DPY30: variants seen among roughly 807,000 people sequenced by gnomAD.
DPY30 encodes dpy-30 histone methyltransferase complex regulatory subunit.
A neutral mutation model predicts 16.2 loss-of-function variants in DPY30; 6 were observed. The observed-to-expected ratio is 0.37, with a 90% CI of 0.20 to 0.73. DPY30 has a LOEUF of 0.73. Among genes scored for constraint, DPY30 ranks in the 30% least tolerant of loss-of-function variants. The pLI is 0.51. For synonymous variants in DPY30, 39 were observed against 38.8 expected (o/e 1.00, Z -0.02); for missense variants, 73 against 113.1 (o/e 0.65, Z 1.61).
intron 5 of DPY30, among the ~76,000 whole-genome samples, chr2:32,014,552 C>T (rs1024645209): frequency 2.0e-5 from 3 of 150,884 alleles, no homozygotes; most frequent in African/African-American, 7.3e-5. Context: ...GGTGCGGTCT[C>T]GGCTCACTGC....
downstream of DPY30, chr2:32,023,534 A>C (rs1572991383): frequency 2.0e-6 from 1 of 492,982 alleles, no homozygotes; most frequent in East Asian, 6.9e-5. Context: ...AGATCATTTA[A>C]GTAAAAATGT....
chr2:32,027,531 C>CAA (rs370515191), intron 4 of DPY30, among the ~76,000 whole-genome samples: 2,615 of 68,802 alleles, frequency 0.038, 74 homozygotes, highest in African/African-American at 0.11. Context: ...AACTCTGTCT[C>CAA]AAAAAAAAAA....
intron 5 of DPY30, among the ~76,000 whole-genome samples, chr2:32,016,932 G>C (rs1444102865): frequency 6.6e-6 from 1 of 152,038 alleles, no homozygotes; most frequent in Non-Finnish European, 1.5e-5. Flanking sequence ...ACCCAGGCTG[G>C]AGTGCAATGG....
rs538988546 is a variant in DPY30 at position 32,024,008 on chromosome 2, T to C, written c.*176A>G. 6 of 1,455,808 alleles carry C rather than the reference T, an allele frequency of 4.1e-6. No individual in the cohort carries two copies. The highest frequency in any genetic ancestry group is 5.4e-6 in the Non-Finnish European group (6 of 1,111,094). The allele number at this position is 1,455,808 out of a possible 1,614,324, so 90.2% of individuals were successfully genotyped here. A position where few individuals can be genotyped will look rare whatever the true frequency, so the allele number is the denominator to read the frequency against. ...ACACTCATTAAATAGGTATGGTTTA[T>C]GGTGATTAAATCAAAATAAGGGAAA... On this transcript the variant is annotated 3_prime_UTR_variant, in exon 5 of 5. Transcript: ENST00000342166.
chr2:32,039,520 A>T, intron 1 of DPY30, 28 bp from the exon 2 acceptor site: 1 of 1,611,146 alleles, frequency 6.2e-7, no homozygotes, highest in African/African-American at 1.3e-5. Flanking sequence ...GCCGCGAGTT[A>T]CCTGGGAGAT....
At chr2:32,014,514 C>G (rs370534579) in intron 5 of DPY30, among the ~76,000 whole-genome samples, 1 of 150,038 alleles carries the variant, frequency 6.7e-6, no homozygotes, top group African/African-American at 2.5e-5. Context: ...GACGGAGTCT[C>G]GCTCTGTTGC....
chr2:32,031,333 T>C (rs942399575), intron 3 of DPY30, among the ~76,000 whole-genome samples: 3 of 151,280 alleles, frequency 2.0e-5, no homozygotes, highest in Non-Finnish European at 4.4e-5. Context: ...GGCAGAAGAA[T>C]CGCTTGAACC....
Position 32,024,051 on chromosome 2 carries a change from T to C in DPY30, c.*133A>G. ...AAGGGAAATATGTTATCTTCTGCAA[T>C]TCCAGAAATAGGTTCTGTTGTCCGG... On this transcript the variant is annotated 3_prime_UTR_variant, in exon 5 of 5. Transcript: ENST00000342166. 1 of 1,498,364 alleles carries C rather than the reference T, an allele frequency of 6.7e-7. No homozygotes were observed. The highest frequency in any genetic ancestry group is 8.8e-7 in the Non-Finnish European group (1 of 1,131,806). The allele number at this position is 1,498,364 out of a possible 1,614,324, so 92.8% of individuals were successfully genotyped here.
In DPY30 at chr2:32,039,477, G is replaced by C. The variant is rs751227805; in HGVS notation, c.-21C>G. ...TCCATGGCGGACCCTGCAAGTCACAGTCCCCGGATACCAGTCTTGGAAAAC... is the reference window on the plus strand; with the variant it reads ...TCCATGGCGGACCCTGCAAGTCACACTCCCCGGATACCAGTCTTGGAAAAC... On this transcript the variant is annotated 5_prime_UTR_variant, in exon 2 of 5. Transcript: ENST00000342166. The C allele has an allele frequency of 6.8e-6, 11 of 1,613,924 alleles. No homozygotes were observed. The highest frequency in any genetic ancestry group is 9.3e-6 in the Non-Finnish European group (11 of 1,180,034).
intron 4 of DPY30, among the ~76,000 whole-genome samples, chr2:32,029,249 C>A (rs1368670130): frequency 6.6e-6 from 1 of 152,032 alleles, no homozygotes; most frequent in Non-Finnish European, 1.5e-5. Context: ...CCAGCCTGGG[C>A]AACAGAGCTA....
downstream of DPY30, among the ~76,000 whole-genome samples, chr2:32,021,678 CAAAA>C (rs768177078): frequency 5.9e-5 from 7 of 119,634 alleles, no homozygotes; most frequent in African/African-American, 1.9e-4. Flanking sequence ...GACTCCATCT[CAAAA>C]AAAAAAAAAG....
chr2:32,011,659 G>A (rs1674924768), downstream of DPY30, among the ~76,000 whole-genome samples: 1 of 152,240 alleles, frequency 6.6e-6, no homozygotes, highest in South Asian at 2.1e-4. Flanking sequence ...TTGGACCTCT[G>A]AGGAAGTGTT....
At chr2:32,039,537 A>T (rs1302695270) in intron 1 of DPY30, 45 bp from the exon 2 acceptor site, 9 of 1,593,790 alleles carry the variant, frequency 5.6e-6, no homozygotes, top group Non-Finnish European at 7.7e-6. Flanking sequence ...AGATTTCAAC[A>T]CGAAGACTCC....
chr2:32,028,856 G>A (rs1254157216), intron 4 of DPY30, among the ~76,000 whole-genome samples: 7 of 151,988 alleles, frequency 4.6e-5, no homozygotes, highest in Admixed American at 2.0e-4. Context: ...CCAGCTACTC[G>A]GTAGACTGAG....
chr2:32,031,397 G>C (rs1675534475), intron 3 of DPY30, among the ~76,000 whole-genome samples: 1 of 151,506 alleles, frequency 6.6e-6, no homozygotes, highest in South Asian at 2.1e-4. Flanking sequence ...TCCAGCCTGG[G>C]TGACAAAGAC....
At position 32,039,358 on chromosome 2, in the gene DPY30, A is replaced by C. The variant is rs756480015; in HGVS notation, c.37-32T>G. 16 of 1,614,046 alleles carry C rather than the reference A, an allele frequency of 9.9e-6. No individual in the cohort carries two copies. In the East Asian group the frequency reaches 3.1e-4, roughly 31 times the overall value. On this transcript the variant is annotated intron_variant, in intron 2 of 4. Coordinates refer to ENST00000342166, the MANE Select transcript of DPY30 (RefSeq NM_001321209.2). ...AACAAAACACCGGTCACAGAGATAT[A>C]AGTCCCCCCTTTCTCGCTGCCTCCC...
intron 5 of DPY30, among the ~76,000 whole-genome samples, chr2:32,013,934 G>C (rs1675015396): frequency 6.6e-6 from 1 of 152,092 alleles, no homozygotes; most frequent in South Asian, 2.1e-4. Context: ...CTTGAACCTG[G>C]GAGGCAGAGG....
At chr2:32,028,055 A>T (rs1333667836) in intron 4 of DPY30, among the ~76,000 whole-genome samples, 1 of 152,110 alleles carries the variant, frequency 6.6e-6, no homozygotes, top group Non-Finnish European at 1.5e-5. Flanking sequence ...TTTTATATAA[A>T]CAAATTATCT....
At chr2:32,039,585 A>G in intron 1 of DPY30, 93 bp from the exon 2 acceptor site, 1 of 1,273,444 alleles carries the variant, frequency 7.9e-7, no homozygotes, top group Non-Finnish European at 1.1e-6. Context: ...CCCGCCCCTC[A>G]CCCCCACCTG....
Sources: gnomAD v4.1 joint callset for allele counts (sites outside exome capture counted in the v4.1 genomes callset) on GRCh38, gnomAD v4.1.1 for gene constraint, MANE v1.5 for transcripts, NCBI Gene and HGNC (gene_info 2026-07-23, HGNC 2026-07-21) for gene names.